Variants in CADM2 observed in about 807,000 individuals in gnomAD.
The protein encoded by CADM2 is cell adhesion molecule 2, also known as immunoglobulin superfamily member 4D.
A neutral mutation model predicts 49.8 loss-of-function variants in CADM2; 12 were observed. That is an observed-to-expected ratio of 0.24 (90% CI 0.15 to 0.39). The LOEUF (loss-of-function observed/expected upper bound fraction) is 0.39, where lower values mean the gene tolerates loss of function less well. Ranked by LOEUF, CADM2 falls within the 10% of genes least tolerant of loss-of-function variation. The pLI is 1.00. For missense variants in CADM2, 378 were observed against 492.3 expected (o/e 0.77, Z 2.20); for synonymous variants, 214 against 175.4 (o/e 1.22, Z -1.74).
At chr3:85,602,372 C>T (rs1001895966) in intron 1 of CADM2, among the ~76,000 whole-genome samples, 2 of 151,878 alleles carry the variant, frequency 1.3e-5, no homozygotes, top group Non-Finnish European at 2.9e-5. Context: ...AAGCAAACTT[C>T]ATTTTGAACG....
At chr3:85,017,857 C>T (rs753132916) in intron 1 of CADM2, among the ~76,000 whole-genome samples, 17 of 152,074 alleles carry the variant, frequency 1.1e-4, no homozygotes, top group South Asian at 2.1e-4. Flanking sequence ...TACTATGACC[C>T]GAGTCAAAGA....
At chr3:85,621,901 A>G (rs2063988131) in intron 1 of CADM2, among the ~76,000 whole-genome samples, 1 of 152,324 alleles carries the variant, frequency 6.6e-6, no homozygotes, top group African/African-American at 2.4e-5. Context: ...AGTAAACACT[A>G]CACAACAAGA....
At chr3:86,064,350 C>T (rs1739061106) in intron 8 of CADM2, among the ~76,000 whole-genome samples, 2 of 152,052 alleles carry the variant, frequency 1.3e-5, no homozygotes, top group African/African-American at 4.8e-5. Context: ...TGATGGTTTC[C>T]AGCTTCATCC....
chr3:85,628,719 T>C (rs898670327), intron 1 of CADM2, among the ~76,000 whole-genome samples: 1 of 150,112 alleles, frequency 6.7e-6, no homozygotes, highest in Admixed American at 6.7e-5. Flanking sequence ...TTTACCTGTA[T>C]AAATATTTAT....
chr3:85,500,494 A>C (rs2040071903), intron 1 of CADM2, among the ~76,000 whole-genome samples: 1 of 151,456 alleles, frequency 6.6e-6, no homozygotes, highest in Non-Finnish European at 1.5e-5. Context: ...AATAAACTTC[A>C]TTTCTGATAT....
chr3:85,521,563 A>G (rs1012653500), intron 1 of CADM2, among the ~76,000 whole-genome samples: 2 of 152,190 alleles, frequency 1.3e-5, no homozygotes, highest in Non-Finnish European at 2.9e-5. Context: ...TCTGTAAGTG[A>G]ATATTTGGAA....
intron 8 of CADM2, among the ~76,000 whole-genome samples, chr3:86,043,923 T>A (rs1017942332): frequency 5.3e-5 from 8 of 152,202 alleles, no homozygotes; most frequent in Non-Finnish European, 1.0e-4. Flanking sequence ...TACAACCATC[T>A]GATCTTTGAC....
At chr3:85,029,462 C>T (rs1436492265) in intron 1 of CADM2, among the ~76,000 whole-genome samples, 3 of 152,126 alleles carry the variant, frequency 2.0e-5, no homozygotes, top group Admixed American at 6.5e-5. Context: ...AGATGCTAAT[C>T]GTTCTTTGTG....
intron 1 of CADM2, among the ~76,000 whole-genome samples, chr3:85,437,754 G>A (rs565238989): frequency 4.6e-5 from 7 of 151,954 alleles, no homozygotes; most frequent in Non-Finnish European, 7.4e-5. Context: ...ATATTAGAAC[G>A]TTTATGTTAG....
chr3:85,829,401 A>G (rs748816804), intron 3 of CADM2, among the ~76,000 whole-genome samples: 3 of 151,974 alleles, frequency 2.0e-5, no homozygotes, highest in Non-Finnish European at 4.4e-5. Flanking sequence ...TAGCATACCT[A>G]TCACCTCAAA....
At chr3:85,618,413 C>G (rs778515217) in intron 1 of CADM2, among the ~76,000 whole-genome samples, 2 of 151,798 alleles carry the variant, frequency 1.3e-5, no homozygotes, top group Non-Finnish European at 2.9e-5. Context: ...AAGTAAGTAA[C>G]GAAACAGAAA....
At chr3:85,199,370 T>TGTGAGAGAGAGAGAGAGAGAGAGAGA (rs1553694531) in intron 1 of CADM2, among the ~76,000 whole-genome samples, 3 of 140,168 alleles carry the variant, frequency 2.1e-5, no homozygotes, top group African/African-American at 5.6e-5. Flanking sequence ...TGTGTGTGTA[T>TGTGAGAGAGAGAGAGAGAGAGAGAGA]GAGAGAGAGA....
intron 2 of CADM2, among the ~76,000 whole-genome samples, chr3:85,791,521 GGAGAGAGAGAGAGAGAGAGAGAAAGAGA>G (rs1170873944): frequency 7.6e-6 from 1 of 131,294 alleles, no homozygotes; most frequent in African/African-American, 3.0e-5. Flanking sequence ...GGGTGGGGAG[GGAGAGAGAGAGAGAGAGAGAGAAAGAGA>G]GAGAGAGAGA....
Position 85,653,353 on chromosome 3 carries a change from G to A in CADM2, c.62-73169G>A, listed in dbSNP as rs536558944. On this transcript the variant is annotated intron_variant, in intron 1 of 9. Coordinates refer to ENST00000383699, the MANE Select transcript of CADM2 (RefSeq NM_001167675.2). ...ACAGGTGATAGCATCCTAGATAAAG[G>A]CAGCAACAGTGGACAAGTAAAATAT... Among the ~76,000 whole-genome samples the A allele has an allele frequency of 6.1e-5, 9 of 147,306 alleles. No homozygotes were observed. The South Asian group carries it at 1.6e-3, about 26-fold the overall frequency.
At chr3:85,642,251 T>C (rs965778380) in intron 1 of CADM2, among the ~76,000 whole-genome samples, 1 of 152,038 alleles carries the variant, frequency 6.6e-6, no homozygotes, top group Non-Finnish European at 1.5e-5. Context: ...AGAAGATAGA[T>C]TATGGAATAA....
chr3:85,345,313 C>CAAAAAAAAAAAAAAA (rs3085180), intron 1 of CADM2, among the ~76,000 whole-genome samples: 12 of 47,142 alleles, frequency 2.5e-4, no homozygotes, highest in African/African-American at 5.4e-4. Context: ...GTCTCCATCT[C>CAAAAAAAAAAAAAAA]AAAAAAAAAA....
chr3:85,063,237 A>G (rs1375768997), intron 1 of CADM2, among the ~76,000 whole-genome samples: 1 of 151,982 alleles, frequency 6.6e-6, no homozygotes, highest in African/African-American at 2.4e-5. Flanking sequence ...TCAAACTTCA[A>G]TCTGCTTTTG....
intron 8 of CADM2, among the ~76,000 whole-genome samples, chr3:86,000,250 A>G (rs1730008104): frequency 6.6e-6 from 1 of 152,214 alleles, no homozygotes; most frequent in Non-Finnish European, 1.5e-5. Context: ...TTTTCTAAAA[A>G]GGATAGAAAA....
chr3:85,620,835 C>T (rs2063952268), intron 1 of CADM2, among the ~76,000 whole-genome samples: 1 of 152,056 alleles, frequency 6.6e-6, no homozygotes, highest in Non-Finnish European at 1.5e-5. Flanking sequence ...TCTGTGACAG[C>T]ACTGTTGGAA....
Sources: allele counts gnomAD v4.1 joint callset (sites outside exome capture counted in the v4.1 genomes callset), GRCh38; gene constraint gnomAD v4.1.1; transcripts MANE v1.5; gene names NCBI Gene and HGNC (gene_info 2026-07-23, HGNC 2026-07-21).